Variants in PHIP observed in about 807,000 individuals in gnomAD.
PHIP encodes the protein PHIP subunit of CUL4-Ring ligase complex, also known as PH-interacting protein.
Under a neutral mutation model 236.8 loss-of-function variants are expected in PHIP, and 54 were observed. The ratio of observed to expected loss-of-function variants is 0.23; its 90% CI spans 0.18 to 0.29. PHIP has a LOEUF of 0.29. Ranked by LOEUF, PHIP falls within the 10% of genes least tolerant of loss-of-function variation. The pLI is 1.00. For missense variants in PHIP, 1,370 were observed against 2,190.8 expected (o/e 0.63, Z 7.48); for synonymous variants, 756 against 718.9 (o/e 1.05, Z -0.83).
At position 79,054,943 on chromosome 6, in the gene PHIP, CT is replaced by C. The variant is rs68181403; in HGVS notation, c.439+5534del. 5.2e-3 allele frequency among the ~76,000 whole-genome samples: 754 copies of C among 146,094 alleles called. 3 individuals carry two copies. Among genetic ancestry groups the C allele is most frequent in the African/African-American group, 0.012 (497 of 39,876 alleles). ...TTATAAATGTAGACAAGATTTAAGACTTTTTTTTTTTTTAAATGCAAAGGCT... is the reference window on the plus strand; with the variant it reads ...TTATAAATGTAGACAAGATTTAAGACTTTTTTTTTTTTAAATGCAAAGGCT... On this transcript the variant is annotated intron_variant, in intron 6 of 39. Coordinates refer to ENST00000275034, the MANE Select transcript of PHIP (RefSeq NM_017934.7).
intron 4 of PHIP, among the ~76,000 whole-genome samples, chr6:79,069,075 T>C (rs577096225): frequency 4.1e-4 from 62 of 151,668 alleles, no homozygotes; most frequent in Non-Finnish European, 7.7e-4. Context: ...TTTTGAGTTC[T>C]AAAAGGCCAG....
chr6:79,038,666 CTTT>C (rs5877639), intron 7 of PHIP, among the ~76,000 whole-genome samples: 139,862 of 151,752 alleles, frequency 0.92, 64,579 homozygotes, highest in East Asian at 1. Flanking sequence ...CTTTTGTCTG[CTTT>C]TTTAAAAGCT....
rs889932182 is a variant in PHIP, at chr6:78,945,188, G to A, written c.4828+112C>T. 1.2e-5 allele frequency: 9 copies of A among 740,224 alleles called. No individual in the cohort carries two copies. The Admixed American group carries it at 1.9e-4, about 16-fold the overall frequency. 45.9% of individuals were successfully genotyped at this position (740,224 alleles called of 1,614,324 possible). On this transcript the variant is annotated intron_variant, in intron 39 of 39. Transcript: ENST00000275034. ...AGTAAATTTATCAACTAATACAGAT[G>A]TGTGACTTTTAAGTGGGCAACCTGA...
chr6:78,973,330 G>C (rs1767761320), intron 24 of PHIP, among the ~76,000 whole-genome samples: 1 of 150,592 alleles, frequency 6.6e-6, no homozygotes, highest in Admixed American at 6.6e-5. Flanking sequence ...CAAATGCTGA[G>C]AGATTTTGTC....
rs146590911 is a variant in PHIP at position 79,001,228 on chromosome 6, C to A, written c.1879+671G>T. On this transcript the variant is annotated intron_variant, in intron 17 of 39. Coordinates refer to ENST00000275034, the MANE Select transcript of PHIP (RefSeq NM_017934.7). ...ATTTTTACTTAATACACTAGTGCTGCATTTCTTGTCAAAAGAGGGAAAGCA... is the reference window on the plus strand; with the variant it reads ...ATTTTTACTTAATACACTAGTGCTGAATTTCTTGTCAAAAGAGGGAAAGCA... Among the ~76,000 whole-genome samples the A allele has an allele frequency of 4.3e-3, 648 of 152,134 alleles. 3 individuals carry two copies. The highest frequency in any genetic ancestry group is 0.015 in the African/African-American group (632 of 41,526).
chr6:78,984,442 T>A (rs571791227), intron 22 of PHIP, among the ~76,000 whole-genome samples: 2 of 152,294 alleles, frequency 1.3e-5, no homozygotes, highest in African/African-American at 4.8e-5. Context: ...ACAGAAGATC[T>A]TCTGCTGTCA....
In PHIP at chr6:79,078,118, G is replaced by T; in HGVS notation, c.-50C>A. The T allele has an allele frequency of 1.9e-6, 3 of 1,596,764 alleles. No individual in the cohort carries two copies. The highest frequency in any genetic ancestry group is 2.2e-5 in the South Asian group (2 of 90,350). On this transcript the variant is annotated 5_prime_UTR_variant, in exon 1 of 40. Transcript: ENST00000275034. Reference sequence around the variant, plus strand: ...CGACGGGACACCCCGCCGCCGAGGGGAAGCGGGGACGGTGCCGCCGCCTGC... The same window carrying T: ...CGACGGGACACCCCGCCGCCGAGGGTAAGCGGGGACGGTGCCGCCGCCTGC...
At chr6:78,991,925 G>A (rs963124487) in intron 19 of PHIP, among the ~76,000 whole-genome samples, 5 of 149,368 alleles carry the variant, frequency 3.3e-5, no homozygotes, top group South Asian at 2.1e-4. Context: ...AAATAACAGC[G>A]ATTATTTGTA....
intron 6 of PHIP, among the ~76,000 whole-genome samples, chr6:79,056,135 A>T (rs1285398096): frequency 2.0e-5 from 3 of 152,236 alleles, no homozygotes; most frequent in Admixed American, 1.3e-4. Flanking sequence ...AGTATAGTAG[A>T]GGAAACAAAG....
chr6:79,034,512 A>C (rs557555639), intron 7 of PHIP, among the ~76,000 whole-genome samples: 1 of 152,206 alleles, frequency 6.6e-6, no homozygotes, highest in South Asian at 2.1e-4. Flanking sequence ...AACAGCACCT[A>C]AAGTCTATGC....
At chr6:78,978,748 CAA>C in intron 23 of PHIP, 37 bp from the exon 24 acceptor site, 1 of 1,518,626 alleles carries the variant, frequency 6.6e-7, no homozygotes, top group Non-Finnish European at 9.0e-7. Context: ...AAGTAATAAT[CAA>C]AAAAGCATTA....
Position 79,016,530 on chromosome 6 carries a change from AT to A in PHIP, c.1235+13del. The A allele has an allele frequency of 3.9e-6, 6 of 1,550,410 alleles. No homozygotes were observed. In the African/African-American group the frequency reaches 5.4e-5, roughly 14 times the overall value. On this transcript the variant is annotated intron_variant, in intron 13 of 39. Transcript: ENST00000275034. ...AATCAATATATACATAATATTTCAA[AT>A]TTGACCTCTTACCCTGCTGGACGAG...
At chr6:78,972,850 G>A (rs7741943) in intron 24 of PHIP, among the ~76,000 whole-genome samples, 68,944 of 151,906 alleles carry the variant, frequency 0.45, 16,237 homozygotes, top group East Asian at 0.69. Flanking sequence ...AAAGAAATGA[G>A]CAAAGCCTCC....
chr6:79,030,887 AAAGAT>A lies in PHIP; in HGVS notation c.601-4728_601-4724del, dbSNP rs144050377. Among the ~76,000 whole-genome samples the A allele has an allele frequency of 6.7e-3, 1,013 of 152,314 alleles. 14 individuals are homozygous for A. The highest frequency in any genetic ancestry group is 0.023 in the African/African-American group (945 of 41,584). ...AATTATTGTGCTATTGTTTAATCAC[AAAGAT>A]AAGAGAGTAGTAAATCACTTGTTTC... is the stretch of plus-strand genomic sequence containing the variant. On this transcript the variant is annotated intron_variant, in intron 7 of 39. Coordinates refer to ENST00000275034, the MANE Select transcript of PHIP (RefSeq NM_017934.7).
At chr6:78,944,839 C>G (rs1186172852) in intron 39 of PHIP, among the ~76,000 whole-genome samples, 3 of 152,140 alleles carry the variant, frequency 2.0e-5, no homozygotes, top group Admixed American at 6.5e-5. Flanking sequence ...CTTCATCTTT[C>G]AAACATAAAG....
chr6:79,048,105 T>C (rs1211042541), intron 6 of PHIP, among the ~76,000 whole-genome samples: 1 of 151,990 alleles, frequency 6.6e-6, no homozygotes, highest in Non-Finnish European at 1.5e-5. Context: ...TAATATTTAT[T>C]TGGGTATTCC....
intron 33 of PHIP, 124 bp downstream of exon 33, chr6:78,955,489 T>G: frequency 3.6e-6 from 2 of 553,330 alleles, no homozygotes; most frequent in Non-Finnish European, 6.3e-6. Flanking sequence ...TTGTTTTTTT[T>G]TTTTAAATTA....
chr6:79,078,163 G>T lies in PHIP; in HGVS notation c.-95C>A, dbSNP rs1186503360. The stretch of plus-strand genomic sequence containing the variant: ...GCCTGCCCTATAGCTGTCAGTGTGT[G>T]TTCACGAGCCGAGCTTCGGCTCCAC... On this transcript the variant is annotated 5_prime_UTR_variant, in exon 1 of 40. Coordinates refer to ENST00000275034, the MANE Select transcript of PHIP (RefSeq NM_017934.7). The T allele has an allele frequency of 4.8e-6, 6 of 1,245,556 alleles. No individual in the cohort carries two copies. The African/African-American group carries it at 6.1e-5, about 13-fold the overall frequency. 77.2% of individuals were successfully genotyped at this position (1,245,556 alleles called of 1,614,324 possible). A position where few individuals can be genotyped will look rare whatever the true frequency, so the allele number is the denominator to read the frequency against.
intron 30 of PHIP, among the ~76,000 whole-genome samples, chr6:78,962,490 G>A (rs932401288): frequency 6.6e-6 from 1 of 151,858 alleles, no homozygotes; most frequent in East Asian, 1.9e-4. Flanking sequence ...CTCAATCTCC[G>A]TGTCCATCCA....
Sources: gnomAD v4.1 joint callset for allele counts (sites outside exome capture counted in the v4.1 genomes callset) on GRCh38, gnomAD v4.1.1 for gene constraint, MANE v1.5 for transcripts, NCBI Gene and HGNC (gene_info 2026-07-23, HGNC 2026-07-21) for gene names.